TUSC3: variants seen among roughly 807,000 people sequenced by gnomAD.
The protein encoded by TUSC3 is dolichyl-diphosphooligosaccharide--protein glycosyltransferase subunit TUSC3.
TUSC3 carries 45 observed loss-of-function variants against 44.8 expected under a neutral mutation model. The observed-to-expected ratio is 1.00, with a 90% confidence interval of 0.79 to 1.29. The LOEUF (loss-of-function observed/expected upper bound fraction) is 1.29, where lower values mean the gene tolerates loss of function less well. Among genes scored for constraint, TUSC3 ranks in the 50% most tolerant of loss-of-function variants. The pLI, the probability that TUSC3 is intolerant of heterozygous loss-of-function variation, is 0.00. For synonymous variants in TUSC3, 212 were observed against 152.9 expected, an observed-to-expected ratio of 1.39 and a Z score of -2.85; for missense variants, 519 against 437.9, an observed-to-expected ratio of 1.19 and a Z score of -1.65.
chr8:15,445,825 GT>G (rs1172443471), intron 1 of TUSC3, among the ~76,000 whole-genome samples: 1 of 152,256 alleles, frequency 6.6e-6, no homozygotes, highest in African/African-American at 2.4e-5. Flanking sequence ...TCAATGAGCT[GT>G]TGGGTACACC....
intron 1 of TUSC3, among the ~76,000 whole-genome samples, chr8:15,468,634 T>C (rs1007360919): frequency 6.6e-6 from 1 of 152,158 alleles, no homozygotes; most frequent in African/African-American, 2.4e-5. Context: ...ATAATCATCT[T>C]GGTTTTAACT....
intron 9 of TUSC3, among the ~76,000 whole-genome samples, chr8:15,753,313 G>A (rs1446519435): frequency 2.0e-5 from 3 of 151,830 alleles, no homozygotes; most frequent in African/African-American, 4.8e-5. Context: ...TCATTTAATC[G>A]TTTTCCTACA....
chr8:15,781,285 A>G, the TUSC3 span, among the ~76,000 whole-genome samples: 1 of 152,152 alleles, frequency 6.6e-6, no homozygotes, highest in Admixed American at 6.5e-5. Flanking sequence ...TGGAACCCCA[A>G]CCTTTCCAAA....
At chr8:15,628,864 G>A (rs1805634083) in intron 2 of TUSC3, among the ~76,000 whole-genome samples, 1 of 152,180 alleles carries the variant, frequency 6.6e-6, no homozygotes, top group South Asian at 2.1e-4. Context: ...GTGTGAAGTG[G>A]ATTAGGAGAA....
At chr8:15,696,128 G>T (rs1291195666) in intron 6 of TUSC3, among the ~76,000 whole-genome samples, 2 of 152,212 alleles carry the variant, frequency 1.3e-5, no homozygotes, top group Non-Finnish European at 2.9e-5. Context: ...AAGGTCTTCA[G>T]GGCAGCCTTT....
intron 10 of TUSC3, among the ~76,000 whole-genome samples, chr8:15,761,846 A>G (rs1211389913): frequency 6.6e-6 from 1 of 152,186 alleles, no homozygotes; most frequent in Non-Finnish European, 1.5e-5. Context: ...ATTAGAAAAA[A>G]CAATATCCAG....
intron 1 of TUSC3, among the ~76,000 whole-genome samples, chr8:15,588,896 T>C (rs1006755798): frequency 2.0e-5 from 3 of 152,202 alleles, no homozygotes; most frequent in African/African-American, 7.2e-5. Flanking sequence ...GATTGTCTAT[T>C]CTGTTCCATT....
chr8:15,446,315 C>G (rs1055436201), intron 1 of TUSC3, among the ~76,000 whole-genome samples: 10 of 151,870 alleles, frequency 6.6e-5, no homozygotes, highest in Non-Finnish European at 1.3e-4. Context: ...TCCTTACTTC[C>G]CAGACGGGGT....
chr8:15,642,916 A>T (rs1806444815), intron 2 of TUSC3, among the ~76,000 whole-genome samples: 1 of 152,220 alleles, frequency 6.6e-6, no homozygotes, highest in Non-Finnish European at 1.5e-5. Context: ...ATTCTTTATT[A>T]TTAGTTGCAC....
At chr8:15,732,871 A>C (rs973075699) in intron 7 of TUSC3, among the ~76,000 whole-genome samples, 1 of 151,980 alleles carries the variant, frequency 6.6e-6, no homozygotes, top group Admixed American at 6.6e-5. Context: ...TATTTCTCCC[A>C]CCCTTGATGA....
intron 1 of TUSC3, among the ~76,000 whole-genome samples, chr8:15,476,247 T>C (rs1229500968): frequency 6.6e-6 from 1 of 152,136 alleles, no homozygotes; most frequent in African/African-American, 2.4e-5. Context: ...GATGAAAAAA[T>C]AGCTACACGA....
intron 1 of TUSC3, among the ~76,000 whole-genome samples, chr8:15,572,655 TA>T (rs1802922059): frequency 6.6e-6 from 1 of 152,156 alleles, no homozygotes; most frequent in Admixed American, 6.5e-5. Flanking sequence ...TAATCATTTT[TA>T]GCTTTTGATT....
the TUSC3 span, among the ~76,000 whole-genome samples, chr8:15,840,205 C>T: frequency 6.6e-6 from 1 of 151,928 alleles, no homozygotes; most frequent in Non-Finnish European, 1.5e-5. Context: ...GGAAGGGGAA[C>T]ATCACACACT....
At chr8:15,488,160 A>T (rs1976289) in intron 2 of TUSC3, among the ~76,000 whole-genome samples, 4 of 151,740 alleles carry the variant, frequency 2.6e-5, no homozygotes, top group African/African-American at 9.7e-5. Flanking sequence ...TTTCCTGAGT[A>T]ACCTAAAATT....
At chr8:15,695,095 A>T (rs189832380) in intron 6 of TUSC3, among the ~76,000 whole-genome samples, 3 of 152,300 alleles carry the variant, frequency 2.0e-5, no homozygotes, top group Admixed American at 2.0e-4. Context: ...AGAGGCCACT[A>T]GTGTCAGTGC....
At chr8:15,779,025 G>T in the TUSC3 span, among the ~76,000 whole-genome samples, 5 of 151,658 alleles carry the variant, frequency 3.3e-5, no homozygotes, top group Non-Finnish European at 7.4e-5. Flanking sequence ...GACTGGAGTT[G>T]GAATAGTCTA....
At chr8:15,503,615 G>A (rs886837205) in intron 2 of TUSC3, among the ~76,000 whole-genome samples, 1 of 152,064 alleles carries the variant, frequency 6.6e-6, no homozygotes, top group South Asian at 2.1e-4. Context: ...AAGAAGGGGG[G>A]ATTGCTTGAG....
At chr8:15,520,495 T>C (rs184321648) in intron 2 of TUSC3, among the ~76,000 whole-genome samples, 8 of 152,348 alleles carry the variant, frequency 5.3e-5, no homozygotes, top group African/African-American at 1.9e-4. Flanking sequence ...GTTATTTAAA[T>C]GGCATTTATC....
At chr8:15,805,598 T>C in the TUSC3 span, among the ~76,000 whole-genome samples, 3 of 152,198 alleles carry the variant, frequency 2.0e-5, no homozygotes, top group Admixed American at 2.0e-4. Flanking sequence ...ACGTGATTTT[T>C]GTTTTCAGTT....
Sources: allele counts gnomAD v4.1 joint callset (sites outside exome capture counted in the v4.1 genomes callset), GRCh38; gene constraint gnomAD v4.1.1; transcripts MANE v1.5; gene names NCBI Gene and HGNC (gene_info 2026-07-23, HGNC 2026-07-21).